GALNTL6: variants seen among roughly 807,000 people sequenced by gnomAD.
The protein encoded by GALNTL6 is polypeptide N-acetylgalactosaminyltransferase-like 6.
GALNTL6 carries 46 observed loss-of-function variants against 73.7 expected under a neutral mutation model. That is an observed-to-expected ratio of 0.62 (90% confidence interval 0.49 to 0.80). GALNTL6 has a LOEUF of 0.80. Ranked by LOEUF, GALNTL6 falls within the 30% of genes least tolerant of loss-of-function variation. The pLI is 0.00. For synonymous variants in GALNTL6, 259 were observed against 263.7 expected (o/e 0.98, Z 0.17); for missense variants, 604 against 755.0 (o/e 0.80, Z 2.34).
chr4:172,199,303 A>C (rs527749559), intron 2 of GALNTL6, among the ~76,000 whole-genome samples: 31 of 152,332 alleles, frequency 2.0e-4, no homozygotes, highest in South Asian at 8.3e-4. Context: ...TATACAAAAA[A>C]TGCTTAGTGA....
chr4:171,920,394 A>G lies in GALNTL6; in HGVS notation c.138+105676A>G, dbSNP rs118043726. Among the ~76,000 whole-genome samples, 2,551 of 152,224 alleles carry G rather than the reference A, an allele frequency of 0.017. 125 individuals are homozygous for G. The East Asian group carries it at 0.2, about 12-fold the overall frequency. ...TTAAAGTATAATTTAAAAAAAAAAG[A>G]AAAAGAAAAAGAAACAGTTTAGGGA... On this transcript the variant is annotated intron_variant, in intron 2 of 12. Transcript: ENST00000506823.
chr4:172,852,624 A>C (rs1743895842), intron 7 of GALNTL6, among the ~76,000 whole-genome samples: 1 of 152,090 alleles, frequency 6.6e-6, no homozygotes, highest in Non-Finnish European at 1.5e-5. Flanking sequence ...GACAATGAGA[A>C]GTCAGTGGAT....
chr4:171,994,318 A>T lies in GALNTL6; in HGVS notation c.138+179600A>T, dbSNP rs115895453. Among the ~76,000 whole-genome samples the T allele has an allele frequency of 3.8e-3, 581 of 152,176 alleles. 4 individuals carry two copies. The highest frequency in any genetic ancestry group is 0.013 in the African/African-American group (548 of 41,566). ...GGCAATTAAATGAGCCAGCCTGGAA[A>T]TGACATGAGTCAGGTCAAGTGTACC... On this transcript the variant is annotated intron_variant, in intron 2 of 12. Transcript: ENST00000506823.
chr4:172,135,621 T>C (rs1733619290), intron 2 of GALNTL6, among the ~76,000 whole-genome samples: 1 of 152,180 alleles, frequency 6.6e-6, no homozygotes, highest in Non-Finnish European at 1.5e-5. Context: ...CATACGTTAA[T>C]GCTTTCCGAC....
intron 9 of GALNTL6, among the ~76,000 whole-genome samples, chr4:172,936,208 A>G (rs1748610394): frequency 6.6e-6 from 1 of 152,230 alleles, no homozygotes; most frequent in African/African-American, 2.4e-5. Flanking sequence ...TATGCAGAAA[A>G]GGCCTTCGAC....
intron 5 of GALNTL6, among the ~76,000 whole-genome samples, chr4:172,403,889 A>T (rs1744125867): frequency 6.6e-6 from 1 of 152,038 alleles, no homozygotes; most frequent in Admixed American, 6.6e-5. Flanking sequence ...GGAATATAGA[A>T]ATAAAGTGAC....
intron 8 of GALNTL6, among the ~76,000 whole-genome samples, chr4:172,891,821 G>T (rs2111214832): frequency 6.6e-6 from 1 of 152,122 alleles, no homozygotes; most frequent in Non-Finnish European, 1.5e-5. Context: ...TTTATTGCTG[G>T]TTTTGTTCAT....
intron 2 of GALNTL6, among the ~76,000 whole-genome samples, chr4:172,186,137 A>G (rs1254450128): frequency 7.2e-5 from 11 of 152,170 alleles, no homozygotes; most frequent in Admixed American, 5.9e-4. Flanking sequence ...ACTACTGAAA[A>G]TTGGTACACT....
chr4:172,758,259 G>T (rs1201663965), intron 5 of GALNTL6, among the ~76,000 whole-genome samples: 1 of 152,176 alleles, frequency 6.6e-6, no homozygotes, highest in Non-Finnish European at 1.5e-5. Context: ...TTCAGGCCAG[G>T]TGCGGTGGCT....
At chr4:172,077,142 G>T (rs1731724024) in intron 2 of GALNTL6, among the ~76,000 whole-genome samples, 2 of 152,112 alleles carry the variant, frequency 1.3e-5, no homozygotes, top group Admixed American at 6.6e-5. Context: ...ACCAGTCTCT[G>T]GTAGTTCTTT....
At chr4:172,248,975 A>T (rs980860884) in intron 3 of GALNTL6, among the ~76,000 whole-genome samples, 1 of 152,148 alleles carries the variant, frequency 6.6e-6, no homozygotes, top group Non-Finnish European at 1.5e-5. Context: ...CTAATACAGT[A>T]AATTGGGTAC....
At chr4:172,307,244 T>G (rs1260013933) in intron 3 of GALNTL6, among the ~76,000 whole-genome samples, 7 of 152,272 alleles carry the variant, frequency 4.6e-5, no homozygotes, top group African/African-American at 1.7e-4. Context: ...TATGTTTGAT[T>G]CTGTATGTTA....
intron 3 of GALNTL6, among the ~76,000 whole-genome samples, chr4:172,261,779 A>C (rs901728853): frequency 6.6e-6 from 1 of 151,410 alleles, no homozygotes; most frequent in Non-Finnish European, 1.5e-5. Context: ...TGTATTTCAA[A>C]GGTTTTGATA....
At chr4:172,755,659 A>T (rs77650114) in intron 5 of GALNTL6, among the ~76,000 whole-genome samples, 218 of 152,322 alleles carry the variant, frequency 1.4e-3, no homozygotes, top group Middle Eastern at 3.4e-3. Flanking sequence ...TCACTCATTT[A>T]TTTGAAATTA....
At chr4:172,132,462 A>G (rs780371698) in intron 2 of GALNTL6, among the ~76,000 whole-genome samples, 134 of 152,130 alleles carry the variant, frequency 8.8e-4, no homozygotes, top group Non-Finnish European at 1.4e-3. Context: ...AACATTGTCA[A>G]TTTTGGCTCT....
At chr4:172,016,478 G>A (rs1425815150) in intron 2 of GALNTL6, among the ~76,000 whole-genome samples, 1 of 151,760 alleles carries the variant, frequency 6.6e-6, no homozygotes, top group Non-Finnish European at 1.5e-5. Flanking sequence ...ATTGTGTATT[G>A]TTGTTTTAAT....
chr4:172,730,441 G>T (rs140780051), intron 5 of GALNTL6, among the ~76,000 whole-genome samples: 2 of 152,118 alleles, frequency 1.3e-5, no homozygotes, highest in African/African-American at 4.8e-5. Context: ...TTTAATAAAG[G>T]GATGCTGAAT....
chr4:172,676,742 T>C (rs1732324070), intron 5 of GALNTL6, among the ~76,000 whole-genome samples: 1 of 152,226 alleles, frequency 6.6e-6, no homozygotes, highest in Non-Finnish European at 1.5e-5. Flanking sequence ...CTCATTTTTA[T>C]AACTTCAGTC....
At chr4:172,453,792 T>C (rs879429851) in intron 5 of GALNTL6, among the ~76,000 whole-genome samples, 3 of 149,486 alleles carry the variant, frequency 2.0e-5, no homozygotes, top group Non-Finnish European at 4.4e-5. Flanking sequence ...TATCTGCTTT[T>C]TTCTTCTAAT....
Sources: allele counts gnomAD v4.1 joint callset (sites outside exome capture counted in the v4.1 genomes callset), GRCh38; gene constraint gnomAD v4.1.1; transcripts MANE v1.5; gene names NCBI Gene and HGNC (gene_info 2026-07-23, HGNC 2026-07-21).